Variants in DCAF7 observed in about 807,000 individuals in gnomAD.
DCAF7 encodes the protein DDB1- and CUL4-associated factor 7.
Under a neutral mutation model 41.2 loss-of-function variants are expected in DCAF7, and 4 were observed. That is an observed-to-expected ratio of 0.10 (90% CI 0.05 to 0.22). DCAF7 has a LOEUF of 0.22. Ranked by LOEUF, DCAF7 falls within the 10% of genes least tolerant of loss-of-function variation. The pLI is 1.00. For synonymous variants in DCAF7, 143 were observed against 164.2 expected (o/e 0.87, Z 0.99); for missense variants, 131 against 443.2 (o/e 0.30, Z 6.32).
Position 63,589,475 on chromosome 17 carries a change from G to T in DCAF7, c.*303G>T. The T allele has an allele frequency of 2.5e-6, 1 of 408,146 alleles. No individual in the cohort carries two copies. The highest frequency in any genetic ancestry group is 2.0e-5 in the South Asian group (1 of 49,120). 25.3% of individuals were successfully genotyped at this position (408,146 alleles called of 1,614,324 possible). Reference sequence around the variant, plus strand: ...ATATTTGTTTGTCAGGCGTTGTGTTGAGGAGCAGTTCACGCACTGGCTGTG... The same window carrying T: ...ATATTTGTTTGTCAGGCGTTGTGTTTAGGAGCAGTTCACGCACTGGCTGTG... On this transcript the variant is annotated 3_prime_UTR_variant, in exon 7 of 7. Coordinates refer to ENST00000614556, the MANE Select transcript of DCAF7 (RefSeq NM_005828.5).
At chr17:63,581,128 C>A (rs953188953) in intron 4 of DCAF7, among the ~76,000 whole-genome samples, 1 of 152,144 alleles carries the variant, frequency 6.6e-6, no homozygotes, top group Non-Finnish European at 1.5e-5. Flanking sequence ...TACAAGACTT[C>A]TAGAGTTGAC....
chr17:63,554,982 C>G (rs991903498), intron 1 of DCAF7, among the ~76,000 whole-genome samples: 1 of 152,196 alleles, frequency 6.6e-6, no homozygotes, highest in Non-Finnish European at 1.5e-5. Context: ...CTAGCAGATT[C>G]TTATAGTCAG....
At chr17:63,564,136 T>TAC (rs369218596) in intron 1 of DCAF7, among the ~76,000 whole-genome samples, 6,341 of 148,030 alleles carry the variant, frequency 0.043, 190 homozygotes, top group African/African-American at 0.089. Flanking sequence ...GTTAACTTTA[T>TAC]ACACACACAC....
At chr17:63,557,515 AG>A (rs548965314) in intron 1 of DCAF7, among the ~76,000 whole-genome samples, 215 of 151,668 alleles carry the variant, frequency 1.4e-3, no homozygotes, top group African/African-American at 4.7e-3. Context: ...AAAAAAAAAA[AG>A]AAAGAAAGAA....
intron 1 of DCAF7, among the ~76,000 whole-genome samples, chr17:63,561,797 C>CA (rs752503202): frequency 6.6e-6 from 1 of 151,792 alleles, no homozygotes; most frequent in Non-Finnish European, 1.5e-5. Context: ...ACCCAATTTA[C>CA]AAAAACTGTG....
At chr17:63,583,410 G>A in intron 4 of DCAF7, 92 bp from the exon 5 acceptor site, 1 of 1,120,028 alleles carries the variant, frequency 8.9e-7, no homozygotes, top group South Asian at 1.3e-5. Context: ...TCATGAGCGA[G>A]GTTTAGATGA....
In DCAF7 at chr17:63,559,346, TAC is replaced by T. The variant is rs72287278; in HGVS notation, c.138+8532_138+8533del. 7.2e-3 allele frequency among the ~76,000 whole-genome samples: 950 copies of T among 132,754 alleles called. 25 individuals are homozygous for T. The highest frequency in any genetic ancestry group is 0.028 in the African/African-American group (909 of 32,804). 87.1% of individuals were successfully genotyped at this position (132,754 alleles called of 152,430 possible). A position where few individuals can be genotyped will look rare whatever the true frequency, so the allele number is the denominator to read the frequency against. ...GTATATATATATACATACATATATA[TAC>T]GTATATATATGTATGTATATATATA... On this transcript the variant is annotated intron_variant, in intron 1 of 6. Coordinates refer to ENST00000614556, the MANE Select transcript of DCAF7 (RefSeq NM_005828.5).
At chr17:63,551,392 A>ATC (rs2033253384) in intron 1 of DCAF7, among the ~76,000 whole-genome samples, 2 of 149,354 alleles carry the variant, frequency 1.3e-5, no homozygotes, top group South Asian at 4.2e-4. Flanking sequence ...CTCTAAAGCA[A>ATC]TCTCTTTGGA....
At chr17:63,585,075 G>A (rs1598037506) in intron 5 of DCAF7, 136 bp from the exon 6 acceptor site, 6 of 684,852 alleles carry the variant, frequency 8.8e-6, no homozygotes, top group East Asian at 2.7e-5. Context: ...TCAATCCTAT[G>A]GAAATCCTGT....
At chr17:63,569,753 C>T (rs2033484967) in intron 1 of DCAF7, among the ~76,000 whole-genome samples, 1 of 152,096 alleles carries the variant, frequency 6.6e-6, no homozygotes, top group Admixed American at 6.6e-5. Context: ...CACTCTGTTG[C>T]TCAGGGTGGG....
chr17:63,550,819 G>A lies in DCAF7; in HGVS notation c.138+4G>A. 1.9e-6 allele frequency: 3 copies of A among 1,612,778 alleles called. No homozygotes were observed. Among genetic ancestry groups the A allele is most frequent in the Non-Finnish European group, 2.5e-6 (3 of 1,179,320 alleles). On this transcript the variant is annotated splice_donor_region_variant and intron_variant, in intron 1 of 6. Coordinates refer to ENST00000614556, the MANE Select transcript of DCAF7 (RefSeq NM_005828.5). The surrounding 1 kb of genome is among the most constrained non-coding windows in gnomAD (Gnocchi z 4.8). ...CGTGGAGGAGTACAACAACAAGGTG[G>A]GCCGGGCAGGGGCTCGGAACCCAGC...
chr17:63,551,048 G>A lies in DCAF7; in HGVS notation c.138+233G>A, dbSNP rs552999047. Among the ~76,000 whole-genome samples the A allele has an allele frequency of 1.9e-4, 29 of 152,352 alleles. No homozygotes were observed. The South Asian group carries it at 4.8e-3, about 25-fold the overall frequency. ...AGTGGGGAAACTGAGGCACGGTTTT[G>A]TGACTTGCCTGGGTCAGGCAGCTAT... On this transcript the variant is annotated intron_variant, in intron 1 of 6. Transcript: ENST00000614556.
At chr17:63,571,483 TG>T (rs2033506066) in intron 1 of DCAF7, among the ~76,000 whole-genome samples, 1 of 151,938 alleles carries the variant, frequency 6.6e-6, no homozygotes, top group African/African-American at 2.4e-5. Flanking sequence ...AAAAAGAAAA[TG>T]AATGGTTATC....
chr17:63,578,873 C>T (rs758284478), intron 2 of DCAF7, among the ~76,000 whole-genome samples: 135 of 152,230 alleles, frequency 8.9e-4, no homozygotes, highest in Non-Finnish European at 4.6e-4. Flanking sequence ...GTGATGATGA[C>T]GGCCTTCAGT....
chr17:63,587,285 C>G (rs1163341291), intron 6 of DCAF7, among the ~76,000 whole-genome samples: 1 of 151,570 alleles, frequency 6.6e-6, no homozygotes, highest in African/African-American at 2.4e-5. Context: ...CTGCTGCCTT[C>G]TGTACCTCAG....
chr17:63,577,129 A>G (rs1284014717), intron 1 of DCAF7, among the ~76,000 whole-genome samples: 1 of 152,160 alleles, frequency 6.6e-6, no homozygotes, highest in Non-Finnish European at 1.5e-5. Flanking sequence ...TGGGGTAGGT[A>G]TGAGGGGTTG....
intron 1 of DCAF7, among the ~76,000 whole-genome samples, chr17:63,552,735 C>A (rs975392872): frequency 2.6e-5 from 4 of 152,180 alleles, no homozygotes; most frequent in African/African-American, 9.7e-5. Flanking sequence ...GAAACTGAGC[C>A]ACAGTTAGGC....
chr17:63,582,842 A>C (rs542186543), intron 4 of DCAF7, among the ~76,000 whole-genome samples: 4 of 152,344 alleles, frequency 2.6e-5, no homozygotes, highest in African/African-American at 9.6e-5. Context: ...CAATGTTTGC[A>C]GCAAATAAAA....
At chr17:63,566,718 C>G (rs764246255) in intron 1 of DCAF7, among the ~76,000 whole-genome samples, 2 of 152,048 alleles carry the variant, frequency 1.3e-5, no homozygotes, top group Admixed American at 6.6e-5. Context: ...CCCAGGAGTT[C>G]GAGGGAGACC....
Sources: allele counts gnomAD v4.1 joint callset (sites outside exome capture counted in the v4.1 genomes callset), GRCh38; gene constraint gnomAD v4.1.1; non-coding constraint Gnocchi (gnomAD v3.1); transcripts MANE v1.5; gene names NCBI Gene and HGNC (gene_info 2026-07-23, HGNC 2026-07-21).